Variants in NDFIP1 observed in about 807,000 individuals in gnomAD.
NDFIP1 encodes the protein Nedd4 family interacting protein 1, also known as NEDD4 family-interacting protein 1.
Under a neutral mutation model 28.8 loss-of-function variants are expected in NDFIP1, and 7 were observed. The observed-to-expected ratio is 0.24, with a 90% CI of 0.14 to 0.46. The LOEUF is 0.46. NDFIP1 is among the 20% of genes least tolerant of loss of function. The pLI, the probability that NDFIP1 is intolerant of heterozygous loss-of-function variation, is 0.99. For missense variants in NDFIP1, 194 were observed against 269.1 expected, an observed-to-expected ratio of 0.72 and a Z score of 1.95; for synonymous variants, 92 against 101.0, an observed-to-expected ratio of 0.91 and a Z score of 0.53.
At chr5:142,147,149 C>T (rs766132551) in intron 7 of NDFIP1, among the ~76,000 whole-genome samples, 1 of 152,164 alleles carries the variant, frequency 6.6e-6, no homozygotes, top group Non-Finnish European at 1.5e-5. Context: ...ATTCCTGACA[C>T]ACCCAGAGAA....
intron 1 of NDFIP1, among the ~76,000 whole-genome samples, chr5:142,118,443 G>A (rs1300428688): frequency 1.3e-5 from 2 of 152,156 alleles, no homozygotes; most frequent in Non-Finnish European, 2.9e-5. Context: ...TTAGACTGGG[G>A]CTGTGGATTT....
At chr5:142,149,181 T>C (rs1040183144) in intron 7 of NDFIP1, among the ~76,000 whole-genome samples, 1 of 152,202 alleles carries the variant, frequency 6.6e-6, no homozygotes, top group African/African-American at 2.4e-5. Context: ...TTTTAATTTT[T>C]TTCCATGTGA....
intron 1 of NDFIP1, among the ~76,000 whole-genome samples, chr5:142,129,927 A>AAAGAAAG (rs1757209897): frequency 1.4e-5 from 2 of 138,398 alleles, no homozygotes; most frequent in African/African-American, 5.2e-5. Flanking sequence ...AAAAAAAAAA[A>AAAGAAAG]AAAGAAAGAA....
intron 1 of NDFIP1, among the ~76,000 whole-genome samples, chr5:142,120,333 C>G (rs908201962): frequency 2.6e-5 from 4 of 152,178 alleles, no homozygotes; most frequent in Non-Finnish European, 5.9e-5. Context: ...GTTTATAAAT[C>G]TCATTTTCAC....
chr5:142,127,346 C>T (rs6874308), intron 1 of NDFIP1, among the ~76,000 whole-genome samples: 102,190 of 152,016 alleles, frequency 0.67, 34,658 homozygotes, highest in African/African-American at 0.77. Flanking sequence ...TAAATGTTTT[C>T]TTAAAATTGA....
At chr5:142,114,584 A>G (rs749344496) in intron 1 of NDFIP1, among the ~76,000 whole-genome samples, 1 of 152,224 alleles carries the variant, frequency 6.6e-6, no homozygotes, top group Non-Finnish European at 1.5e-5. Context: ...TATACTCACC[A>G]CATTATTTTG....
chr5:142,132,803 C>A (rs1164708081), intron 3 of NDFIP1, among the ~76,000 whole-genome samples: 1 of 152,138 alleles, frequency 6.6e-6, no homozygotes, highest in African/African-American at 2.4e-5. Context: ...TTTGTGGGGA[C>A]ATAGTGAGTT....
chr5:142,149,579 G>A (rs1381790974), intron 7 of NDFIP1, among the ~76,000 whole-genome samples: 1 of 152,050 alleles, frequency 6.6e-6, no homozygotes, highest in Non-Finnish European at 1.5e-5. Context: ...GTCTCAGACA[G>A]CAGTGCCCTC....
intron 1 of NDFIP1, among the ~76,000 whole-genome samples, chr5:142,114,352 T>G (rs1462041354): frequency 6.6e-6 from 1 of 152,226 alleles, no homozygotes; most frequent in East Asian, 1.9e-4. Flanking sequence ...TTATTGGCCA[T>G]TGATATTTTC....
At chr5:142,139,858 TTAATAA>T (rs949912016) in intron 5 of NDFIP1, among the ~76,000 whole-genome samples, 1 of 152,026 alleles carries the variant, frequency 6.6e-6, no homozygotes, top group African/African-American at 2.4e-5. Context: ...TCTCTTAAAA[TTAATAA>T]TAATAATAAT....
intron 1 of NDFIP1, among the ~76,000 whole-genome samples, chr5:142,110,503 A>G (rs1757002707): frequency 6.6e-6 from 1 of 152,180 alleles, no homozygotes; most frequent in East Asian, 1.9e-4. Context: ...GCTATTAGGT[A>G]ATGCTGACAT....
At chr5:142,142,917 CAAAAAAAAAAAAA>C (rs1171333662) in intron 6 of NDFIP1, 1 of 43,178 alleles carries the variant, frequency 2.3e-5, no homozygotes, top group African/African-American at 9.6e-5. Context: ...GATTCCATCT[CAAAAAAAAAAAAA>C]AAAAAAAAAA....
intron 1 of NDFIP1, among the ~76,000 whole-genome samples, chr5:142,114,501 A>G (rs1245617615): frequency 6.6e-6 from 1 of 152,246 alleles, no homozygotes; most frequent in Non-Finnish European, 1.5e-5. Context: ...ACAATAATAA[A>G]GTAGTGTAAG....
At chr5:142,137,152 T>G (rs1166959793) in intron 4 of NDFIP1, among the ~76,000 whole-genome samples, 2 of 148,390 alleles carry the variant, frequency 1.3e-5, no homozygotes, top group South Asian at 2.1e-4. Context: ...CTGTTTTTTG[T>G]TTTTTTTGCT....
intron 1 of NDFIP1, among the ~76,000 whole-genome samples, chr5:142,117,521 G>A (rs1465283119): frequency 6.6e-6 from 1 of 152,140 alleles, no homozygotes; most frequent in African/African-American, 2.4e-5. Flanking sequence ...GATTACAGGT[G>A]TGAGCCACTG....
At position 142,141,290 on chromosome 5, in the gene NDFIP1, C is replaced by G. The variant is rs551694459; in HGVS notation, c.562+661C>G. Among the ~76,000 whole-genome samples the G allele has an allele frequency of 2.7e-3, 401 of 150,318 alleles. 2 individuals carry two copies. The highest frequency in any genetic ancestry group is 9.4e-3 in the African/African-American group (383 of 40,886). ...TCCCGGGTTCACACCATTCTCCTGC[C>G]TCAGCCTCCCGAGTAGCTGGGACTA... On this transcript the variant is annotated intron_variant, in intron 6 of 7. Transcript: ENST00000253814.
chr5:142,135,417 A>G (rs927045486), intron 3 of NDFIP1, among the ~76,000 whole-genome samples: 2 of 152,214 alleles, frequency 1.3e-5, no homozygotes, highest in African/African-American at 4.8e-5. Flanking sequence ...AAGAGTAAAT[A>G]GTTCTTTGTG....
intron 6 of NDFIP1, chr5:142,142,950 TA>T (rs1757351945): frequency 8.1e-6 from 1 of 124,182 alleles, no homozygotes; most frequent in Non-Finnish European, 1.7e-5. Context: ...AATATATATA[TA>T]TATATATATA....
rs954104163 is a variant in NDFIP1 at position 142,117,392 on chromosome 5, C to T, written c.63+8355C>T. On this transcript the variant is annotated intron_variant, in intron 1 of 7. Coordinates refer to ENST00000253814, the MANE Select transcript of NDFIP1 (RefSeq NM_030571.4). ...CTGAGTAGCTGGGACTACAGGCGCCCGCTATCACGCCCAGCTAATTTTTTC... is the reference window on the plus strand; with the variant it reads ...CTGAGTAGCTGGGACTACAGGCGCCTGCTATCACGCCCAGCTAATTTTTTC... Among the ~76,000 whole-genome samples the T allele has an allele frequency of 5.3e-5, 8 of 151,808 alleles. No homozygotes were observed. In the South Asian group the frequency reaches 8.3e-4, roughly 16 times the overall value.
Sources: allele counts gnomAD v4.1 joint callset (sites outside exome capture counted in the v4.1 genomes callset), GRCh38; gene constraint gnomAD v4.1.1; transcripts MANE v1.5; gene names NCBI Gene and HGNC (gene_info 2026-07-23, HGNC 2026-07-21).